The following ARL15 variants were observed in gnomAD, a reference collection of about 807,000 sequenced individuals.
ARL15 encodes the protein ADP-ribosylation factor-like protein 15.
A neutral mutation model predicts 25.2 loss-of-function variants in ARL15; 19 were observed. The ratio of observed to expected loss-of-function variants is 0.75; its 90% CI spans 0.53 to 1.10. The LOEUF is 1.10. Among genes scored for constraint, ARL15 ranks in the 50% least tolerant of loss-of-function variants. ARL15 has a pLI of 0.00. For synonymous variants in ARL15, 94 were observed against 86.8 expected, an observed-to-expected ratio of 1.08 and a Z score of -0.46; for missense variants, 220 against 246.0, an observed-to-expected ratio of 0.89 and a Z score of 0.71.
chr5:53,999,940 G>GA (rs1265722946), intron 4 of ARL15, among the ~76,000 whole-genome samples: 1 of 151,818 alleles, frequency 6.6e-6, no homozygotes, highest in Non-Finnish European at 1.5e-5. Flanking sequence ...AAAAATAAGG[G>GA]AAAAAAAGGA....
chr5:54,148,172 GC>G (rs1205229498), intron 3 of ARL15, among the ~76,000 whole-genome samples: 3 of 152,170 alleles, frequency 2.0e-5, no homozygotes, highest in African/African-American at 7.2e-5. Context: ...AGGCAGCAGT[GC>G]CCCCTGGGTT....
intron 4 of ARL15, among the ~76,000 whole-genome samples, chr5:53,998,954 G>A (rs1748769886): frequency 1.3e-5 from 2 of 152,260 alleles, no homozygotes; most frequent in South Asian, 2.1e-4. Context: ...TTAACATGAC[G>A]ATGCTGAAGG....
chr5:54,029,174 T>C (rs1749882682), intron 4 of ARL15, among the ~76,000 whole-genome samples: 1 of 152,158 alleles, frequency 6.6e-6, no homozygotes, highest in Non-Finnish European at 1.5e-5. Context: ...GCAACTTCCT[T>C]AAGGAATTTT....
chr5:54,116,100 C>T (rs939158895), intron 3 of ARL15, among the ~76,000 whole-genome samples: 1 of 152,152 alleles, frequency 6.6e-6, no homozygotes, highest in Non-Finnish European at 1.5e-5. Flanking sequence ...GTTGTCTAGT[C>T]CAAAGGCAAG....
At chr5:53,956,983 C>G (rs1747181398) in intron 4 of ARL15, among the ~76,000 whole-genome samples, 1 of 151,798 alleles carries the variant, frequency 6.6e-6, no homozygotes, top group South Asian at 2.1e-4. Context: ...AGTATACCAA[C>G]TTACACATAA....
At chr5:53,947,194 G>GTGTGTA (rs1746776682) in intron 4 of ARL15, among the ~76,000 whole-genome samples, 1 of 150,810 alleles carries the variant, frequency 6.6e-6, no homozygotes, top group Non-Finnish European at 1.5e-5. Flanking sequence ...GTGTGTGTGT[G>GTGTGTA]TGTGTGTGTG....
intron 4 of ARL15, among the ~76,000 whole-genome samples, chr5:53,976,795 T>C (rs756998812): frequency 2.0e-5 from 3 of 152,194 alleles, no homozygotes; most frequent in African/African-American, 7.2e-5. Context: ...TGTAGGGAGC[T>C]GGCAGTATGT....
chr5:53,896,535 C>T (rs1253674412), intron 4 of ARL15, among the ~76,000 whole-genome samples: 2 of 151,930 alleles, frequency 1.3e-5, no homozygotes, highest in Admixed American at 1.3e-4. Context: ...ACTCTGTCGC[C>T]CAGGCTGTAT....
intron 1 of ARL15, among the ~76,000 whole-genome samples, chr5:54,252,550 G>A (rs1483694140): frequency 6.6e-6 from 1 of 152,038 alleles, no homozygotes; most frequent in African/African-American, 2.4e-5. Flanking sequence ...CCACCGACAG[G>A]GTTCATGTCA....
chr5:54,105,714 C>G (rs1337423906), intron 4 of ARL15, among the ~76,000 whole-genome samples: 1 of 152,124 alleles, frequency 6.6e-6, no homozygotes, highest in Non-Finnish European at 1.5e-5. Context: ...TCCCAAGTAG[C>G]TGGGACTACA....
At chr5:53,900,082 C>T (rs935850229) in intron 4 of ARL15, among the ~76,000 whole-genome samples, 1 of 152,170 alleles carries the variant, frequency 6.6e-6, no homozygotes, top group South Asian at 2.1e-4. Context: ...GAATGCCCAA[C>T]TTAAACTGGC....
chr5:54,106,251 T>C (rs1752586726), intron 4 of ARL15, among the ~76,000 whole-genome samples: 1 of 152,180 alleles, frequency 6.6e-6, no homozygotes, highest in Non-Finnish European at 1.5e-5. Context: ...GTAAGCAATA[T>C]TAACAGGTCA....
intron 4 of ARL15, among the ~76,000 whole-genome samples, chr5:54,074,202 A>G (rs1006694007): frequency 3.9e-5 from 6 of 152,220 alleles, no homozygotes; most frequent in African/African-American, 1.4e-4. Context: ...TAAATCATAC[A>G]GATTGGTATT....
At chr5:54,002,555 G>C (rs1748881433) in intron 4 of ARL15, among the ~76,000 whole-genome samples, 1 of 152,162 alleles carries the variant, frequency 6.6e-6, no homozygotes, top group South Asian at 2.1e-4. Flanking sequence ...AATCAAGACA[G>C]AGAGAGCATA....
intron 4 of ARL15, among the ~76,000 whole-genome samples, chr5:53,910,583 C>G (rs1020440100): frequency 7.1e-6 from 1 of 141,266 alleles, no homozygotes; most frequent in South Asian, 2.2e-4. Flanking sequence ...TGTGACAAAC[C>G]TGCACGTTGT....
At chr5:54,021,191 T>C (rs575689033) in intron 4 of ARL15, among the ~76,000 whole-genome samples, 17 of 151,960 alleles carry the variant, frequency 1.1e-4, no homozygotes, top group African/African-American at 4.1e-4. Context: ...CAAAATTAGC[T>C]GGGTGTGGTG....
At chr5:54,076,820 G>C (rs156443) in intron 4 of ARL15, among the ~76,000 whole-genome samples, 81,800 of 151,576 alleles carry the variant, frequency 0.54, 23,107 homozygotes, top group Non-Finnish European at 0.62. Context: ...AAACTATGTA[G>C]AAAACATCCA....
chr5:54,050,172 T>C (rs900995438), intron 4 of ARL15, among the ~76,000 whole-genome samples: 1 of 152,222 alleles, frequency 6.6e-6, no homozygotes, highest in Non-Finnish European at 1.5e-5. Context: ...TAATTTCTTC[T>C]GCCTTAAGGC....
rs570513890 is a variant in ARL15, at chr5:54,205,146, C to T, written c.49-33218G>A. On this transcript the variant is annotated intron_variant, in intron 1 of 4. Coordinates refer to ENST00000504924, the MANE Select transcript of ARL15 (RefSeq NM_019087.3). Reference sequence around the variant, plus strand: ...CCTTGGTTGCACACTCCTCAAAAATCCCAACAACTGCAATGGCATGAAGAG... The same window carrying T: ...CCTTGGTTGCACACTCCTCAAAAATTCCAACAACTGCAATGGCATGAAGAG... 2.0e-5 allele frequency among the ~76,000 whole-genome samples: 3 copies of T among 152,138 alleles called. No individual in the cohort carries two copies. The South Asian group carries it at 6.2e-4, about 32-fold the overall frequency.
Sources: gnomAD v4.1 joint callset for allele counts (sites outside exome capture counted in the v4.1 genomes callset) on GRCh38, gnomAD v4.1.1 for gene constraint, MANE v1.5 for transcripts, NCBI Gene and HGNC (gene_info 2026-07-23, HGNC 2026-07-21) for gene names.